PIP5K1A: variants seen among roughly 807,000 people sequenced by gnomAD.
PIP5K1A encodes phosphatidylinositol 4-phosphate 5-kinase type-1 alpha.
PIP5K1A carries 46 observed loss-of-function variants against 72.9 expected under a neutral mutation model. The ratio of observed to expected loss-of-function variants is 0.63; its 90% CI spans 0.50 to 0.81. The LOEUF (loss-of-function observed/expected upper bound fraction) is 0.81. PIP5K1A is among the 30% of genes least tolerant of loss of function. The pLI is 0.00. For missense variants in PIP5K1A, 458 were observed against 706.1 expected, an observed-to-expected ratio of 0.65 and a Z score of 3.98; for synonymous variants, 228 against 255.1, an observed-to-expected ratio of 0.89 and a Z score of 1.01.
intron 1 of PIP5K1A, among the ~76,000 whole-genome samples, chr1:151,199,445 C>T (rs1446712097): frequency 2.0e-5 from 3 of 151,754 alleles, no homozygotes; most frequent in Non-Finnish European, 2.9e-5. Context: ...AAATCTCGTC[C>T]CTACTAAAAA....
Position 151,248,083 on chromosome 1 carries a change from G to T in PIP5K1A, c.*218G>T. ...GGCCTTAGTGCCTCAGAGAGTTGAG[G>T]ACCGCAGCATCCCCTCCACTCCAGA... is the stretch of plus-strand genomic sequence containing the variant. On this transcript the variant is annotated 3_prime_UTR_variant, in exon 16 of 16. Coordinates refer to ENST00000368888, the MANE Select transcript of PIP5K1A (RefSeq NM_001135638.2). 1.8e-6 allele frequency: 1 copy of T among 558,674 alleles called. No individual in the cohort carries two copies. The highest frequency in any genetic ancestry group is 3.2e-6 in the Non-Finnish European group (1 of 314,100). 34.6% of individuals were successfully genotyped at this position (558,674 alleles called of 1,614,324 possible).
At chr1:151,229,792 A>G (rs183959872) in intron 4 of PIP5K1A, among the ~76,000 whole-genome samples, 60 of 150,890 alleles carry the variant, frequency 4.0e-4, no homozygotes, top group Non-Finnish European at 6.9e-4. Flanking sequence ...CATGAAAAAA[A>G]CTAGTTGTAG....
chr1:151,198,129 A>G (rs763236789), upstream of PIP5K1A: 4 of 469,914 alleles, frequency 8.5e-6, no homozygotes, highest in Non-Finnish European at 1.8e-5. Context: ...TAAGACATGC[A>G]CGCACGTTTA....
At chr1:151,235,293 C>T (rs12133668) in intron 8 of PIP5K1A, among the ~76,000 whole-genome samples, 8,453 of 152,074 alleles carry the variant, frequency 0.056, 386 homozygotes, top group Non-Finnish European at 0.079. Context: ...ACGTTGGTCC[C>T]GCTGGTTTCA....
intron 14 of PIP5K1A, among the ~76,000 whole-genome samples, chr1:151,246,698 G>A (rs587774038): frequency 6.0e-4 from 91 of 152,236 alleles, no homozygotes; most frequent in Non-Finnish European, 8.4e-4. Flanking sequence ...AAACAGAAGA[G>A]GGCAGGGTAC....
At chr1:151,245,791 C>T (rs1692419877) in intron 14 of PIP5K1A, among the ~76,000 whole-genome samples, 1 of 152,114 alleles carries the variant, frequency 6.6e-6, no homozygotes, top group African/African-American at 2.4e-5. Flanking sequence ...CTGCCTCAGG[C>T]TCCCAAAGTG....
At chr1:151,214,313 G>T (rs760779351) in intron 1 of PIP5K1A, among the ~76,000 whole-genome samples, 2 of 151,886 alleles carry the variant, frequency 1.3e-5, no homozygotes, top group Non-Finnish European at 2.9e-5. Flanking sequence ...GTACTTCTTG[G>T]TCAGATTGTA....
intron 9 of PIP5K1A, among the ~76,000 whole-genome samples, chr1:151,237,328 A>C (rs1481374379): frequency 1.3e-5 from 2 of 152,246 alleles, no homozygotes; most frequent in African/African-American, 4.8e-5. Flanking sequence ...AAAGACTTAA[A>C]AAATTATAGT....
Position 151,198,966 on chromosome 1 carries a change from C to G in PIP5K1A, c.-31C>G, listed in dbSNP as rs1268334705. On this transcript the variant is annotated 5_prime_UTR_variant, in exon 1 of 16. Transcript: ENST00000368888. ...GAGGAAGAACCGGATTGAAAGAGAG[C>G]CAGGCCGCTGAGGGGGAGGGGGCTG... The G allele has an allele frequency of 6.2e-7, 1 of 1,601,322 alleles. No individual in the cohort carries two copies. Among genetic ancestry groups the G allele is most frequent in the African/African-American group, 1.3e-5 (1 of 74,810 alleles).
rs78486819 is a variant in PIP5K1A, at chr1:151,240,577, G to C, written c.1363+538G>C. On this transcript the variant is annotated intron_variant, in intron 12 of 15. Coordinates refer to ENST00000368888, the MANE Select transcript of PIP5K1A (RefSeq NM_001135638.2). ...TCTCTTTCCCTTCTTCTCATATTAG[G>C]CATCATTATTCCCATAGCGAGGGAG... Among the ~76,000 whole-genome samples, 669 of 152,120 alleles carry C rather than the reference G, an allele frequency of 4.4e-3. 8 individuals are homozygous for C. Among genetic ancestry groups the C allele is most frequent in the African/African-American group, 0.015 (631 of 41,482 alleles).
intron 4 of PIP5K1A, among the ~76,000 whole-genome samples, chr1:151,230,983 G>A (rs1689959952): frequency 6.6e-6 from 1 of 152,146 alleles, no homozygotes; most frequent in Non-Finnish European, 1.5e-5. Flanking sequence ...AGAGCTTTGG[G>A]AGTTCTGAGG....
intron 9 of PIP5K1A, 123 bp from the exon 10 acceptor site, chr1:151,238,059 C>T (rs1316338140): frequency 4.6e-6 from 3 of 651,600 alleles, no homozygotes; most frequent in Admixed American, 5.5e-5. Context: ...TTCTTGATCA[C>T]TTATTATCTG....
At chr1:151,217,682 G>C (rs988522114) in intron 1 of PIP5K1A, among the ~76,000 whole-genome samples, 2 of 152,066 alleles carry the variant, frequency 1.3e-5, no homozygotes, top group African/African-American at 4.8e-5. Context: ...CCCAGGCCCA[G>C]GCCATCTTCC....
chr1:151,232,089 A>G (rs1050357856), intron 5 of PIP5K1A, among the ~76,000 whole-genome samples, 159 bp from the exon 6 acceptor site: 5 of 152,014 alleles, frequency 3.3e-5, no homozygotes, highest in African/African-American at 9.7e-5. Flanking sequence ...ATGCTGTGCC[A>G]TTGTCTCACT....
chr1:151,247,660 G>A (rs1276103029), intron 15 of PIP5K1A, among the ~76,000 whole-genome samples: 4 of 152,132 alleles, frequency 2.6e-5, no homozygotes, highest in Non-Finnish European at 5.9e-5. Flanking sequence ...TCCTGACCTC[G>A]TGATCCACCT....
At position 151,248,824 on chromosome 1, in the gene PIP5K1A, C is replaced by G. The variant is rs1278002452; in HGVS notation, c.*959C>G. 2 of 152,112 alleles carry G rather than the reference C, an allele frequency of 1.3e-5. No individual in the cohort carries two copies. The highest frequency in any genetic ancestry group is 2.9e-5 in the Non-Finnish European group (2 of 67,856). The allele number at this position is 152,112 out of a possible 1,614,324, so 9.4% of individuals were successfully genotyped here. On this transcript the variant is annotated 3_prime_UTR_variant, in exon 16 of 16. Transcript: ENST00000368888. The stretch of plus-strand genomic sequence containing the variant: ...CATTCTCCAGAGGAGATTTTTTTTG[C>G]TCTTCTCATCTTTTCCAACAGTGTT...
Position 151,234,432 on chromosome 1 carries a change from A to C in PIP5K1A, c.875A>C (p.Asp292Ala), listed in dbSNP as rs759781472. The part of the protein sequence containing the change: ...KDLDFLQDIP[D>A]GLFLDADMYN... ...CTAGACTTCTTACAAGACATCCCTG[A>C]TGGTCTTTTTTTGGATGCTGACATG... Residue 292 changes from aspartate to alanine, a missense_variant, in exon 8 of 16, where the codon GAT (aspartate) becomes GCT (alanine). Physicochemically the swap from Asp to Ala is moderately radical, Grantham distance 126 (BLOSUM62 -2). Transcript: ENST00000368888. The C allele has an allele frequency of 6.2e-7, 1 of 1,613,812 alleles. No individual in the cohort carries two copies. Among genetic ancestry groups the C allele is most frequent in the African/African-American group, 1.3e-5 (1 of 74,900 alleles).
In PIP5K1A at chr1:151,236,672, A is replaced by C; in HGVS notation, c.1054A>C (p.Arg352=). The C allele has an allele frequency of 1.2e-6, 2 of 1,614,006 alleles. No homozygotes were observed. Among genetic ancestry groups the C allele is most frequent in the Non-Finnish European group, 8.5e-7 (1 of 1,179,972 alleles). ...SETQYSVDTR[R]PAPQKALYST... ...AACACAGTACTCAGTTGATACTCGA[A>C]GACCGGCCCCCCAAAAGGCTCTGTA... The change falls in exon 9 of 16, where the codon AGA becomes CGA. Residue 352 remains arginine, a synonymous_variant. Coordinates refer to ENST00000368888, the MANE Select transcript of PIP5K1A (RefSeq NM_001135638.2).
chr1:151,221,578 A>G (rs1267268024), intron 1 of PIP5K1A, among the ~76,000 whole-genome samples: 1 of 152,202 alleles, frequency 6.6e-6, no homozygotes, highest in Non-Finnish European at 1.5e-5. Flanking sequence ...TTCTCAGACA[A>G]AATATTTTCT....
Sources: gnomAD v4.1 joint callset for allele counts (sites outside exome capture counted in the v4.1 genomes callset) on GRCh38, gnomAD v4.1.1 for gene constraint, MANE v1.5 for transcripts, NCBI Gene and HGNC (gene_info 2026-07-23, HGNC 2026-07-21) for gene names.